Variants in PKNOX2 observed in about 807,000 individuals in gnomAD.
PKNOX2 encodes PBX/knotted 1 homeobox 2.
Under a neutral mutation model 53.1 loss-of-function variants are expected in PKNOX2, and 14 were observed. That is an observed-to-expected ratio of 0.26 (90% confidence interval 0.17 to 0.41). The LOEUF (loss-of-function observed/expected upper bound fraction) is 0.41, where lower values mean the gene tolerates loss of function less well. Ranked by LOEUF, PKNOX2 falls within the 10% of genes least tolerant of loss-of-function variation. PKNOX2 has a pLI of 1.00. For missense variants in PKNOX2, 496 were observed against 602.8 expected (o/e 0.82, Z 1.85); for synonymous variants, 257 against 242.8 (o/e 1.06, Z -0.54).
chr11:125,180,094 C>T (rs760798788), intron 1 of PKNOX2, among the ~76,000 whole-genome samples: 54 of 152,290 alleles, frequency 3.5e-4, no homozygotes, highest in South Asian at 1.4e-3. Flanking sequence ...TGAGGGCCCC[C>T]GCGTGTACTG....
chr11:125,188,772 G>C (rs1956605548), intron 1 of PKNOX2, among the ~76,000 whole-genome samples: 1 of 152,084 alleles, frequency 6.6e-6, no homozygotes, highest in Non-Finnish European at 1.5e-5. Context: ...TCAAATTTCT[G>C]GGTCGCTGGA....
At chr11:125,411,531 C>G in intron 9 of PKNOX2, 1 of 493,494 alleles carries the variant, frequency 2.0e-6, no homozygotes, top group Admixed American at 2.7e-5. Flanking sequence ...CCATCTCTTC[C>G]TCCTTGTCCT....
chr11:125,292,396 G>C (rs1331676635), intron 2 of PKNOX2, among the ~76,000 whole-genome samples: 3 of 152,208 alleles, frequency 2.0e-5, no homozygotes, highest in African/African-American at 7.2e-5. Context: ...GCAGCAGCAG[G>C]AGACAAGCCA....
At chr11:125,335,997 T>G (rs1591532481) in intron 3 of PKNOX2, among the ~76,000 whole-genome samples, 1 of 152,264 alleles carries the variant, frequency 6.6e-6, no homozygotes, top group Admixed American at 6.5e-5. Flanking sequence ...TTAAATGTTA[T>G]GTTTTAAATA....
At chr11:125,350,578 G>A (rs995666775) in intron 3 of PKNOX2, among the ~76,000 whole-genome samples, 5 of 152,170 alleles carry the variant, frequency 3.3e-5, no homozygotes, top group African/African-American at 1.2e-4. Flanking sequence ...TCCTTAATAG[G>A]ATATGCAGGC....
intron 2 of PKNOX2, among the ~76,000 whole-genome samples, chr11:125,244,532 G>C (rs1943415285): frequency 6.6e-6 from 1 of 152,216 alleles, no homozygotes; most frequent in Non-Finnish European, 1.5e-5. Context: ...CTTGTGTCTT[G>C]CCTGCTCTAG....
At chr11:125,211,009 G>A (rs990874208) in intron 1 of PKNOX2, among the ~76,000 whole-genome samples, 2 of 152,304 alleles carry the variant, frequency 1.3e-5, no homozygotes, top group Admixed American at 6.5e-5. Context: ...CGAAGGTTGT[G>A]TATGGAATGA....
chr11:125,299,260 C>T (rs1280206352), intron 2 of PKNOX2, among the ~76,000 whole-genome samples: 1 of 152,180 alleles, frequency 6.6e-6, no homozygotes, highest in East Asian at 1.9e-4. Context: ...ACGATCTGAA[C>T]ACCTCCCGCC....
intron 1 of PKNOX2, among the ~76,000 whole-genome samples, chr11:125,191,558 G>A (rs1223151701): frequency 6.6e-6 from 1 of 152,216 alleles, no homozygotes; most frequent in East Asian, 1.9e-4. Flanking sequence ...TGGGGATTGA[G>A]CAGTAGACGT....
At chr11:125,295,391 G>A (rs1947587169) in intron 2 of PKNOX2, among the ~76,000 whole-genome samples, 2 of 152,246 alleles carry the variant, frequency 1.3e-5, no homozygotes, top group Non-Finnish European at 2.9e-5. Flanking sequence ...AAACATTCAT[G>A]TGGATCAAAT....
intron 1 of PKNOX2, among the ~76,000 whole-genome samples, chr11:125,178,672 A>AGGAAAGAAAGAG (rs1565462496): frequency 1.7e-5 from 2 of 114,892 alleles, no homozygotes; most frequent in Non-Finnish European, 3.3e-5. Context: ...GAAGGAAGGA[A>AGGAAAGAAAGAG]AGAAAGAGAG....
chr11:125,374,906 A>T (rs946581439), intron 5 of PKNOX2, among the ~76,000 whole-genome samples: 1 of 131,896 alleles, frequency 7.6e-6, no homozygotes, highest in African/African-American at 2.8e-5. Flanking sequence ...GACAACCAGC[A>T]ATTGGGCCTC....
At chr11:125,375,013 G>A (rs891876067) in intron 5 of PKNOX2, among the ~76,000 whole-genome samples, 75 of 152,260 alleles carry the variant, frequency 4.9e-4, no homozygotes, top group Middle Eastern at 3.4e-3. Context: ...GCTTCTCACC[G>A]GGCCTGAGCT....
At chr11:125,206,158 C>T (rs1340407534) in intron 1 of PKNOX2, among the ~76,000 whole-genome samples, 1 of 151,990 alleles carries the variant, frequency 6.6e-6, no homozygotes, top group Non-Finnish European at 1.5e-5. Flanking sequence ...ACAGAGTCCC[C>T]ACCCTCGAGG....
chr11:125,311,055 G>C (rs1948772818), intron 2 of PKNOX2, among the ~76,000 whole-genome samples: 1 of 152,088 alleles, frequency 6.6e-6, no homozygotes, highest in South Asian at 2.1e-4. Flanking sequence ...GGTGTTTTTA[G>C]ACTCCAGTTC....
At chr11:125,255,004 A>G (rs1944308161) in intron 2 of PKNOX2, among the ~76,000 whole-genome samples, 1 of 152,202 alleles carries the variant, frequency 6.6e-6, no homozygotes. Context: ...TGTGCTAGAT[A>G]TTGAGGATGC....
chr11:125,299,587 G>A (rs545998418), intron 2 of PKNOX2, among the ~76,000 whole-genome samples: 1 of 152,258 alleles, frequency 6.6e-6, no homozygotes, highest in South Asian at 2.1e-4. Context: ...TAGCATCTCT[G>A]AGCCTCAACA....
At chr11:125,412,003 G>A in intron 10 of PKNOX2, 138 bp downstream of exon 10, 1 of 1,388,462 alleles carries the variant, frequency 7.2e-7, no homozygotes, top group Non-Finnish European at 9.9e-7. Flanking sequence ...TGATAGGAAT[G>A]ACATCTGGAG....
chr11:125,375,833 G>A (rs1952802924), intron 5 of PKNOX2, among the ~76,000 whole-genome samples: 1 of 152,218 alleles, frequency 6.6e-6, no homozygotes, highest in African/African-American at 2.4e-5. Context: ...AAGGACACTT[G>A]TCTTTTCTCT....
Sources: gnomAD v4.1 joint callset for allele counts (sites outside exome capture counted in the v4.1 genomes callset) on GRCh38, gnomAD v4.1.1 for gene constraint, MANE v1.5 for transcripts, NCBI Gene and HGNC (gene_info 2026-07-23, HGNC 2026-07-21) for gene names.